PPTC7: variants seen among roughly 807,000 people sequenced by gnomAD.
The protein encoded by PPTC7 is protein phosphatase PTC7 homolog.
Under a neutral mutation model 30.8 loss-of-function variants are expected in PPTC7, and 6 were observed. That is an observed-to-expected ratio of 0.19 (90% confidence interval 0.11 to 0.38). The LOEUF (loss-of-function observed/expected upper bound fraction) is 0.38. PPTC7 is among the 10% of genes least tolerant of loss of function. PPTC7 has a pLI of 1.00. For synonymous variants in PPTC7, 163 were observed against 168.1 expected (o/e 0.97, Z 0.23); for missense variants, 218 against 404.8 (o/e 0.54, Z 3.96).
In PPTC7 at chr12:110,549,621, A is replaced by G. The variant is rs188841355; in HGVS notation, c.403+2168T>C. 3.3e-4 allele frequency among the ~76,000 whole-genome samples: 51 copies of G among 152,302 alleles called. 2 individuals carry two copies. The East Asian group carries it at 8.3e-3, about 25-fold the overall frequency. On this transcript the variant is annotated intron_variant, in intron 2 of 5. Transcript: ENST00000354300. The stretch of plus-strand genomic sequence containing the variant: ...ACAATATTCAATGTAAGAAAATATT[A>G]TTTTCTCTAATATTAAATTTAAATG...
chr12:110,569,797 C>G (rs550022078), intron 1 of PPTC7, among the ~76,000 whole-genome samples: 8 of 152,322 alleles, frequency 5.3e-5, no homozygotes, highest in Middle Eastern at 3.4e-3. Flanking sequence ...ATTGCACTGC[C>G]ACATGTATAT....
intron 1 of PPTC7, among the ~76,000 whole-genome samples, chr12:110,553,361 G>T (rs1408297863): frequency 1.3e-5 from 2 of 151,788 alleles, no homozygotes; most frequent in Non-Finnish European, 2.9e-5. Flanking sequence ...TAGCCAGGAT[G>T]GTCTCATCTC....
intron 1 of PPTC7, among the ~76,000 whole-genome samples, chr12:110,578,694 T>C (rs889556925): frequency 1.3e-5 from 2 of 152,172 alleles, no homozygotes; most frequent in African/African-American, 4.8e-5. Flanking sequence ...CAGTAATAAA[T>C]ATGGTGTCAA....
intron 1 of PPTC7, among the ~76,000 whole-genome samples, chr12:110,578,619 A>G (rs1455206625): frequency 6.6e-6 from 1 of 152,218 alleles, no homozygotes; most frequent in African/African-American, 2.4e-5. Flanking sequence ...AAAAGAAAGA[A>G]ACAGCTTTCA....
chr12:110,533,625 A>C lies in PPTC7; in HGVS notation c.*3412T>G, dbSNP rs1365336596. ...TGATACTGTAAAATTTTTAAAATGC[A>C]AAAATGTGATACAGTTTCCAGAGAA... On this transcript the variant is annotated 3_prime_UTR_variant, in exon 6 of 6. Transcript: ENST00000354300. The C allele has an allele frequency of 1.3e-5, 2 of 151,906 alleles. No individual in the cohort carries two copies. The highest frequency in any genetic ancestry group is 2.9e-5 in the Non-Finnish European group (2 of 68,038). 9.4% of individuals were successfully genotyped at this position (151,906 alleles called of 1,614,324 possible). A position where few individuals can be genotyped will look rare whatever the true frequency, so the allele number is the denominator to read the frequency against.
At chr12:110,577,439 G>A (rs2064599402) in intron 1 of PPTC7, among the ~76,000 whole-genome samples, 1 of 152,038 alleles carries the variant, frequency 6.6e-6, no homozygotes, top group African/African-American at 2.4e-5. Flanking sequence ...CTCTGAAGGT[G>A]ACTACTTTTT....
At chr12:110,564,874 ACATT>A (rs1310998862) in intron 1 of PPTC7, among the ~76,000 whole-genome samples, 1 of 150,856 alleles carries the variant, frequency 6.6e-6, no homozygotes, top group Non-Finnish European at 1.5e-5. Context: ...GTGTATATAT[ACATT>A]GTTTTTTTTT....
chr12:110,561,556 T>C lies in PPTC7; in HGVS notation c.224-9588A>G, dbSNP rs185808634. Among the ~76,000 whole-genome samples, 954 of 152,274 alleles carry C rather than the reference T, an allele frequency of 6.3e-3. 6 individuals are homozygous for C. Among genetic ancestry groups the C allele is most frequent in the Non-Finnish European group, 0.011 (757 of 68,014 alleles). On this transcript the variant is annotated intron_variant, in intron 1 of 5. Transcript: ENST00000354300. ...GTCTCAAACTCCTGACCTCAAGTGA[T>C]TGCCCCCCAACACAGCCTTGGGCTC... is the stretch of plus-strand genomic sequence containing the variant.
chr12:110,559,198 A>T (rs530368201), intron 1 of PPTC7, among the ~76,000 whole-genome samples: 152 of 151,748 alleles, frequency 1.0e-3, no homozygotes, highest in African/African-American at 3.0e-3. Flanking sequence ...TCATTTTTTT[A>T]AAAATTTTTT....
At chr12:110,551,549 G>A (rs1593150663) in intron 2 of PPTC7, among the ~76,000 whole-genome samples, 2 of 152,258 alleles carry the variant, frequency 1.3e-5, no homozygotes, top group African/African-American at 2.4e-5. Flanking sequence ...GTTTCTCTAT[G>A]TTGGTCAGGC....
Position 110,552,736 on chromosome 12 carries a change from C to T in PPTC7, c.224-768G>A, listed in dbSNP as rs561362481. ...AAAATTAGCCAGGCGTGGTGGCAGG[C>T]GCCTGTAGTCCCAGCTACTTGGGAG... On this transcript the variant is annotated intron_variant, in intron 1 of 5. Transcript: ENST00000354300. Among the ~76,000 whole-genome samples the T allele has an allele frequency of 6.9e-3, 1,052 of 152,090 alleles. 1 individual carries two copies. The highest frequency in any genetic ancestry group is 9.4e-3 in the Non-Finnish European group (639 of 67,988).
chr12:110,580,759 ATTTTT>A (rs934273025), intron 1 of PPTC7, among the ~76,000 whole-genome samples: 1 of 146,534 alleles, frequency 6.8e-6, no homozygotes, highest in African/African-American at 2.5e-5. Flanking sequence ...TTTTTATTTT[ATTTTT>A]TTTTTGAGAC....
At chr12:110,553,799 A>G (rs2064366604) in intron 1 of PPTC7, among the ~76,000 whole-genome samples, 1 of 152,172 alleles carries the variant, frequency 6.6e-6, no homozygotes, top group African/African-American at 2.4e-5. Flanking sequence ...ACAGAAAAAG[A>G]ATATTTTAGA....
chr12:110,569,474 G>A (rs4766430), intron 1 of PPTC7, among the ~76,000 whole-genome samples: 127,216 of 152,246 alleles, frequency 0.84, 53,880 homozygotes, highest in East Asian at 1. Context: ...ACACTGGTCA[G>A]ATCGTTTCTC....
At chr12:110,574,192 G>A (rs959716855) in intron 1 of PPTC7, among the ~76,000 whole-genome samples, 1 of 130,064 alleles carries the variant, frequency 7.7e-6, no homozygotes, top group Non-Finnish European at 1.6e-5. Context: ...CATTAGACAT[G>A]CAAGCAAGAG....
chr12:110,537,720 A>G (rs1393073135), intron 5 of PPTC7, among the ~76,000 whole-genome samples: 1 of 152,190 alleles, frequency 6.6e-6, no homozygotes, highest in African/African-American at 2.4e-5. Flanking sequence ...TCCCTCTTCA[A>G]ACCCTGCTGT....
At chr12:110,554,715 T>C (rs546577273) in intron 1 of PPTC7, among the ~76,000 whole-genome samples, 2 of 152,294 alleles carry the variant, frequency 1.3e-5, no homozygotes, top group South Asian at 4.1e-4. Flanking sequence ...AACACCAAGC[T>C]ATTCTTTCCA....
intron 1 of PPTC7, among the ~76,000 whole-genome samples, chr12:110,575,109 T>C (rs905626687): frequency 3.9e-5 from 6 of 151,930 alleles, no homozygotes; most frequent in Non-Finnish European, 7.4e-5. Context: ...GTTTTTAAAA[T>C]ATATGACGAC....
intron 1 of PPTC7, among the ~76,000 whole-genome samples, chr12:110,564,223 C>G (rs559826959): frequency 6.6e-6 from 1 of 152,284 alleles, no homozygotes; most frequent in East Asian, 1.9e-4. Context: ...ACAAACAAAT[C>G]ATCTGGGAGG....
Sources: allele counts gnomAD v4.1 joint callset (sites outside exome capture counted in the v4.1 genomes callset), GRCh38; gene constraint gnomAD v4.1.1; transcripts MANE v1.5; gene names NCBI Gene and HGNC (gene_info 2026-07-23, HGNC 2026-07-21).